The following KAT2B variants were observed in gnomAD, a reference collection of about 807,000 sequenced individuals.
KAT2B encodes the protein histone acetyltransferase KAT2B.
In KAT2B, 36 loss-of-function variants were observed where a neutral mutation model predicts 105.9. The ratio of observed to expected loss-of-function variants is 0.34; its 90% CI spans 0.26 to 0.45. The LOEUF is 0.45. KAT2B is among the 20% of genes least tolerant of loss of function. The pLI, the probability that KAT2B is intolerant of heterozygous loss-of-function variation, is 1.00. For missense variants in KAT2B, 820 were observed against 1,021.6 expected (o/e 0.80, Z 2.69); for synonymous variants, 397 against 377.9 (o/e 1.05, Z -0.59).
At chr3:20,083,417 A>G (rs894665588) in intron 2 of KAT2B, among the ~76,000 whole-genome samples, 33 of 152,272 alleles carry the variant, frequency 2.2e-4, no homozygotes, top group African/African-American at 6.3e-4. Flanking sequence ...TTTTGGTTTA[A>G]TATGAATTGA....
intron 1 of KAT2B, among the ~76,000 whole-genome samples, chr3:20,051,827 G>A (rs1358977548): frequency 1.3e-5 from 2 of 152,188 alleles, no homozygotes; most frequent in Non-Finnish European, 2.9e-5. Context: ...AGTCTTTTCC[G>A]TAATTGGTAT....
intron 2 of KAT2B, among the ~76,000 whole-genome samples, chr3:20,072,669 T>C (rs1698346459): frequency 6.6e-6 from 1 of 152,204 alleles, no homozygotes. Flanking sequence ...TTGTCCCTTC[T>C]TCCTTTCAAG....
At chr3:20,077,150 A>G (rs534490796) in intron 2 of KAT2B, among the ~76,000 whole-genome samples, 10 of 152,282 alleles carry the variant, frequency 6.6e-5, no homozygotes, top group African/African-American at 2.2e-4. Flanking sequence ...CTGATCAAGT[A>G]GAAAGAACAT....
chr3:20,129,005 C>T (rs1014957935), intron 11 of KAT2B, among the ~76,000 whole-genome samples: 18 of 84,646 alleles, frequency 2.1e-4, no homozygotes, highest in African/African-American at 7.0e-4. Context: ...GAAACTCCAT[C>T]TCAAAAAAAA....
chr3:20,140,219 AG>A lies in KAT2B; in HGVS notation c.1862del, dbSNP rs1699673357. The stretch of plus-strand genomic sequence containing the variant: ...ATATGAATGAATTTACTTGCTTTTC[AG>A]GGTTTCTCCAAAGAAATTAAAATAC... On this transcript the variant is annotated splice_acceptor_variant, in intron 12 of 17. Coordinates refer to ENST00000263754, the MANE Select transcript of KAT2B (RefSeq NM_003884.5). LOFTEE classifies it high-confidence loss of function. 1.3e-6 allele frequency: 2 copies of A among 1,586,220 alleles called. No homozygotes were observed. The highest frequency in any genetic ancestry group is 2.7e-5 in the African/African-American group (2 of 74,310).
chr3:20,126,587 C>G (rs1430725960), intron 10 of KAT2B, among the ~76,000 whole-genome samples: 1 of 151,176 alleles, frequency 6.6e-6, no homozygotes, highest in Non-Finnish European at 1.5e-5. Flanking sequence ...TTTTGGGAGG[C>G]TGAGGTGGGA....
At chr3:20,129,531 A>G (rs890642005) in intron 11 of KAT2B, among the ~76,000 whole-genome samples, 1 of 151,968 alleles carries the variant, frequency 6.6e-6, no homozygotes, top group African/African-American at 2.4e-5. Context: ...ACATGCCACC[A>G]TGCCCGGCCA....
At chr3:20,114,291 C>T (rs1344270203) in intron 6 of KAT2B, among the ~76,000 whole-genome samples, 1 of 152,160 alleles carries the variant, frequency 6.6e-6, no homozygotes, top group Admixed American at 6.5e-5. Flanking sequence ...TTTCACTTCT[C>T]TGTGCCCTAG....
At chr3:20,088,501 G>A (rs1403768710) in intron 2 of KAT2B, among the ~76,000 whole-genome samples, 1 of 152,130 alleles carries the variant, frequency 6.6e-6, no homozygotes, top group Non-Finnish European at 1.5e-5. Context: ...TCTGATTAGT[G>A]ATGTTGAACA....
At chr3:20,099,477 G>A (rs1019503030) in intron 3 of KAT2B, among the ~76,000 whole-genome samples, 1 of 152,196 alleles carries the variant, frequency 6.6e-6, no homozygotes, top group African/African-American at 2.4e-5. Flanking sequence ...CATGTGCCAA[G>A]TGTGTAGGGT....
intron 1 of KAT2B, among the ~76,000 whole-genome samples, chr3:20,062,924 T>C (rs1215135238): frequency 1.3e-5 from 2 of 152,216 alleles, no homozygotes; most frequent in Non-Finnish European, 2.9e-5. Flanking sequence ...TTTTGGATAT[T>C]AACCTGTTAT....
chr3:20,149,807 C>T (rs1275089975), intron 17 of KAT2B, among the ~76,000 whole-genome samples: 1 of 152,166 alleles, frequency 6.6e-6, no homozygotes, highest in Non-Finnish European at 1.5e-5. Flanking sequence ...ATTTGGGAAT[C>T]AATATTGTCC....
chr3:20,099,510 A>G (rs1156614899), intron 3 of KAT2B, among the ~76,000 whole-genome samples: 1 of 152,154 alleles, frequency 6.6e-6, no homozygotes, highest in African/African-American at 2.4e-5. Flanking sequence ...CTCTGGGTCA[A>G]TGGAAAGCCA....
chr3:20,122,587 T>G (rs1312462144), intron 8 of KAT2B, 81 bp from the exon 9 acceptor site: 1 of 1,118,234 alleles, frequency 8.9e-7, no homozygotes, highest in Non-Finnish European at 1.3e-6. Flanking sequence ...CCATCAATGC[T>G]GTTAGAAAAT....
Position 20,147,974 on chromosome 3 carries a change from T to C in KAT2B, c.2131T>C (p.Trp711Arg), listed in dbSNP as rs1699806325. Residue 711 changes from tryptophan (W) to arginine (R), a missense_variant, in exon 15 of 18, where the codon TGG becomes CGG. By Grantham distance (101) the Trp-to-Arg change is moderately radical (BLOSUM62 -3). Coordinates refer to ENST00000263754, the MANE Select transcript of KAT2B (RefSeq NM_003884.5). ...ESIPGIRETG[W>R]KPSGKEKSKE... ...TTGTTGACGTATAGGAGAGACAGGCTGGAAACCGAGTGGAAAAGAGAAAAG... is the reference window on the plus strand; with the variant it reads ...TTGTTGACGTATAGGAGAGACAGGCCGGAAACCGAGTGGAAAAGAGAAAAG... 1 of 1,613,632 alleles carries C rather than the reference T, an allele frequency of 6.2e-7. No individual in the cohort carries two copies. The highest frequency in any genetic ancestry group is 8.5e-7 in the Non-Finnish European group (1 of 1,179,726).
intron 2 of KAT2B, among the ~76,000 whole-genome samples, chr3:20,075,306 T>C (rs1698398550): frequency 6.6e-6 from 1 of 151,522 alleles, no homozygotes; most frequent in African/African-American, 2.4e-5. Context: ...AAAACTTTTT[T>C]CTATTTTACT....
chr3:20,086,166 G>A (rs754273964), intron 2 of KAT2B, among the ~76,000 whole-genome samples: 11 of 152,124 alleles, frequency 7.2e-5, no homozygotes, highest in Admixed American at 1.3e-4. Flanking sequence ...CAGCTATTTG[G>A]GAGACTGAGG....
chr3:20,118,348 GTGTGTGTGTGTA>G (rs1406976198), intron 7 of KAT2B, among the ~76,000 whole-genome samples: 2 of 148,218 alleles, frequency 1.3e-5, no homozygotes, highest in Non-Finnish European at 3.0e-5. Context: ...GTGTGTGTGT[GTGTGTGTGTGTA>G]TGTGTGTGTA....
chr3:20,051,497 T>C (rs1697915712), intron 1 of KAT2B, among the ~76,000 whole-genome samples: 2 of 152,182 alleles, frequency 1.3e-5, no homozygotes, highest in Admixed American at 1.3e-4. Flanking sequence ...TGCAGAACCA[T>C]ACATGTTGAG....
Sources: allele counts gnomAD v4.1 joint callset (sites outside exome capture counted in the v4.1 genomes callset), GRCh38; gene constraint gnomAD v4.1.1; transcripts MANE v1.5; gene names NCBI Gene and HGNC (gene_info 2026-07-23, HGNC 2026-07-21).